C16orf78: variants seen among roughly 807,000 people sequenced by gnomAD.
C16orf78 encodes uncharacterized protein C16orf78.
A neutral mutation model predicts 27.3 loss-of-function variants in C16orf78; 19 were observed. That is an observed-to-expected ratio of 0.70 (90% CI 0.49 to 1.02). C16orf78 has a LOEUF of 1.02. Among genes scored for constraint, C16orf78 ranks in the 50% least tolerant of loss-of-function variants. The pLI is 0.00. For missense variants in C16orf78, 339 were observed against 337.0 expected (o/e 1.01, Z -0.05); for synonymous variants, 130 against 116.1 (o/e 1.12, Z -0.77).
At chr16:49,391,903 C>T (rs60136457) in intron 3 of C16orf78, among the ~76,000 whole-genome samples, 18,915 of 152,102 alleles carry the variant, frequency 0.12, 1,336 homozygotes, top group South Asian at 0.16. Context: ...ATTTCCTCCA[C>T]GCACAAACAG....
At chr16:49,382,943 G>T (rs1227750277) in intron 3 of C16orf78, among the ~76,000 whole-genome samples, 1 of 152,166 alleles carries the variant, frequency 6.6e-6, no homozygotes, top group East Asian at 1.9e-4. Flanking sequence ...CTCCCTAAAA[G>T]AAACCCATAC....
chr16:49,379,935 A>G (rs1183248368), intron 3 of C16orf78, among the ~76,000 whole-genome samples: 1 of 152,202 alleles, frequency 6.6e-6, no homozygotes, highest in Non-Finnish European at 1.5e-5. Context: ...ACCCACCCTC[A>G]ACCTGAGTGG....
intron 4 of C16orf78, 99 bp from the exon 5 acceptor site, chr16:49,399,032 C>T (rs1965508697): frequency 7.5e-7 from 1 of 1,330,540 alleles, no homozygotes; most frequent in Non-Finnish European, 1.1e-6. Flanking sequence ...TTGCAGAGCA[C>T]CCACACTTAC....
rs1965491817 is a variant in C16orf78, at chr16:49,397,771, TTTA to T, written c.650+1105_650+1107del. 3.3e-5 allele frequency among the ~76,000 whole-genome samples: 5 copies of T among 152,032 alleles called. No individual in the cohort carries two copies. The South Asian group carries it at 8.3e-4, about 25-fold the overall frequency. The stretch of plus-strand genomic sequence containing the variant: ...AAGAATGAAGTGGTTCAGAGTGGGA[TTTA>T]TTATTATTATTGAGACAGCCTCTCT... On this transcript the variant is annotated intron_variant, in intron 4 of 4. Transcript: ENST00000299191.
At chr16:49,380,850 T>C (rs1965277716) in intron 3 of C16orf78, among the ~76,000 whole-genome samples, 1 of 152,064 alleles carries the variant, frequency 6.6e-6, no homozygotes, top group Non-Finnish European at 1.5e-5. Context: ...TTTCTACATA[T>C]GGCAAGCCAG....
At chr16:49,374,197 A>T in intron 1 of C16orf78, 108 bp downstream of exon 1, 1 of 1,374,214 alleles carries the variant, frequency 7.3e-7, no homozygotes, top group African/African-American at 1.4e-5. Context: ...GATGGTTTTG[A>T]AGTGCTGGGA....
chr16:49,395,610 A>C lies in C16orf78; in HGVS notation c.395-813A>C, dbSNP rs939350201. Among the ~76,000 whole-genome samples, 9 of 152,148 alleles carry C rather than the reference A, an allele frequency of 5.9e-5. 1 individual carries two copies. In the South Asian group the frequency reaches 8.3e-4, roughly 14 times the overall value. ...ACATTTTGTTTGGTACAAACCCCAT[A>C]TTTGGGTCACATCAGACACTTACCA... is the stretch of plus-strand genomic sequence containing the variant. On this transcript the variant is annotated intron_variant, in intron 3 of 4. Transcript: ENST00000299191.
chr16:49,379,633 G>A (rs1280452112), intron 3 of C16orf78, among the ~76,000 whole-genome samples: 2 of 151,880 alleles, frequency 1.3e-5, no homozygotes, highest in Non-Finnish European at 2.9e-5. Flanking sequence ...GCACTTTAGG[G>A]GCATTACTGG....
rs761269773 is a variant in C16orf78, at chr16:49,396,543, C to A, written c.515C>A (p.Thr172Asn). 1.5e-5 allele frequency: 24 copies of A among 1,610,796 alleles called. No homozygotes were observed. The highest frequency in any genetic ancestry group is 6.7e-5 in the East Asian group (3 of 44,876). ...QEGTFNSQRATFIRDWSNKMP... is the reference protein window; with the variant it reads ...QEGTFNSQRANFIRDWSNKMP... ...GGTACCTTTAACAGCCAGAGGGCAA[C>A]CTTCATAAGAGACTGGTCCAACAAG... The change falls in exon 4 of 5, where the codon ACC becomes AAC. Residue 172 changes from threonine (T) to asparagine (N), a missense_variant. Thr to Asn is a moderately conservative substitution (Grantham distance 65, BLOSUM62 0). Coordinates refer to ENST00000299191, the MANE Select transcript of C16orf78 (RefSeq NM_144602.4).
At chr16:49,393,047 G>A (rs1182166984) in intron 3 of C16orf78, among the ~76,000 whole-genome samples, 1 of 152,184 alleles carries the variant, frequency 6.6e-6, no homozygotes. Context: ...CTTCTGCCAT[G>A]ATTGTGAGGC....
At chr16:49,395,235 A>C (rs1243424548) in intron 3 of C16orf78, among the ~76,000 whole-genome samples, 1 of 152,198 alleles carries the variant, frequency 6.6e-6, no homozygotes, top group Non-Finnish European at 1.5e-5. Context: ...ACTTTTCTCT[A>C]CATACTTGTC....
intron 3 of C16orf78, among the ~76,000 whole-genome samples, chr16:49,379,836 T>C (rs1037361898): frequency 6.6e-6 from 1 of 152,198 alleles, no homozygotes. Flanking sequence ...TTGATTGGAT[T>C]GAAGAATGCA....
intron 3 of C16orf78, among the ~76,000 whole-genome samples, chr16:49,392,477 C>T (rs1965425327): frequency 6.6e-6 from 1 of 152,014 alleles, no homozygotes; most frequent in Non-Finnish European, 1.5e-5. Flanking sequence ...AGCAAAGAAA[C>T]AACAAGGAAA....
intron 3 of C16orf78, among the ~76,000 whole-genome samples, chr16:49,384,869 C>T (rs1409116507): frequency 2.0e-5 from 3 of 152,186 alleles, no homozygotes; most frequent in African/African-American, 7.2e-5. Flanking sequence ...AAACCTTGCA[C>T]ATCAGGAGAA....
At chr16:49,377,030 C>T (rs987129317) in intron 1 of C16orf78, among the ~76,000 whole-genome samples, 1 of 152,166 alleles carries the variant, frequency 6.6e-6, no homozygotes, top group African/African-American at 2.4e-5. Context: ...CCTGGGTGGC[C>T]CACCCTTTAA....
In C16orf78 at chr16:49,399,431, A is replaced by T. The variant is rs1036256586; in HGVS notation, c.*153A>T. On this transcript the variant is annotated 3_prime_UTR_variant, in exon 5 of 5. Transcript: ENST00000299191. ...GAAAACAAGCCTCGGCTGTGTGATCATTGTGCTTCCGTAAGACTGGTCCTT... is the reference window on the plus strand; with the variant it reads ...GAAAACAAGCCTCGGCTGTGTGATCTTTGTGCTTCCGTAAGACTGGTCCTT... 2.2e-6 allele frequency: 2 copies of T among 907,414 alleles called. No homozygotes were observed. The highest frequency in any genetic ancestry group is 3.2e-6 in the Non-Finnish European group (2 of 619,052). 56.2% of individuals were successfully genotyped at this position (907,414 alleles called of 1,614,324 possible).
chr16:49,374,027 G>T lies in C16orf78; in HGVS notation c.88G>T (p.Asp30Tyr), dbSNP rs1278053057. The T allele has an allele frequency of 1.2e-6, 2 of 1,614,060 alleles. No homozygotes were observed. The highest frequency in any genetic ancestry group is 3.3e-5 in the Admixed American group (2 of 60,014). ...WKTAEDRRMS[D>Y]LTCVLEWLER... ...GACTGCTGAAGATAGGCGCATGTCT[G>T]ACCTCACCTGTGTGCTGGAGTGGCT... is the stretch of plus-strand genomic sequence containing the variant. The change falls in exon 1 of 5, where the codon GAC becomes TAC. Residue 30 changes from aspartate to tyrosine, a missense_variant. Transcript: ENST00000299191.
intron 3 of C16orf78, among the ~76,000 whole-genome samples, chr16:49,389,048 C>T (rs1965381580): frequency 6.6e-6 from 1 of 152,178 alleles, no homozygotes; most frequent in Non-Finnish European, 1.5e-5. Context: ...TTTGCTTTCT[C>T]TTTCTTCTTT....
At chr16:49,377,439 G>T (rs1965232979) in intron 1 of C16orf78, among the ~76,000 whole-genome samples, 1 of 152,108 alleles carries the variant, frequency 6.6e-6, no homozygotes, top group South Asian at 2.1e-4. Context: ...TTCCTACCAG[G>T]CTAGGGAGTG....
Sources: gnomAD v4.1 joint callset for allele counts (sites outside exome capture counted in the v4.1 genomes callset) on GRCh38, gnomAD v4.1.1 for gene constraint, MANE v1.5 for transcripts, NCBI Gene and HGNC (gene_info 2026-07-23, HGNC 2026-07-21) for gene names.